BANP: variants seen among roughly 807,000 people sequenced by gnomAD.
BANP encodes protein BANP.
In BANP, 11 loss-of-function variants were observed where a neutral mutation model predicts 68.1. That is an observed-to-expected ratio of 0.16 (90% confidence interval 0.10 to 0.27). BANP has a LOEUF of 0.27. Among genes scored for constraint, BANP ranks in the 10% least tolerant of loss-of-function variants. The pLI is 1.00. For synonymous variants in BANP, 329 were observed against 303.2 expected, an observed-to-expected ratio of 1.09 and a Z score of -0.88; for missense variants, 504 against 722.7, an observed-to-expected ratio of 0.70 and a Z score of 3.47.
rs112366369 is a variant in BANP at position 87,964,105 on chromosome 16, T to C, written c.-68-10943T>C. Among the ~76,000 whole-genome samples the C allele has an allele frequency of 4.4e-3, 664 of 152,386 alleles. 5 individuals carry two copies. The highest frequency in any genetic ancestry group is 0.014 in the African/African-American group (600 of 41,596). On this transcript the variant is annotated intron_variant, in intron 1 of 13. Transcript: ENST00000682872. The stretch of plus-strand genomic sequence containing the variant: ...AGTAGTTAGATTAGTAACTTAATTA[T>C]AGCACAGTCCTTATTGAAATCAGGA...
Position 88,018,318 on chromosome 16 carries a change from G to T in BANP, c.656-110G>T. Reference sequence around the variant, plus strand: ...TCACAAGTTACGAGGGATTTGCCCAGCCCTGCGTGGAGCATCTTTCCCGAC... The same window carrying T: ...TCACAAGTTACGAGGGATTTGCCCATCCCTGCGTGGAGCATCTTTCCCGAC... On this transcript the variant is annotated intron_variant, in intron 6 of 13. Transcript: ENST00000682872. This position sits in a 1 kb window ranked among gnomAD's most constrained non-coding sequence, Gnocchi z 7.7. The T allele has an allele frequency of 1.4e-6, 2 of 1,383,526 alleles. No individual in the cohort carries two copies. The highest frequency in any genetic ancestry group is 2.0e-6 in the Non-Finnish European group (2 of 1,012,400). 85.7% of individuals were successfully genotyped at this position (1,383,526 alleles called of 1,614,324 possible).
chr16:87,992,945 G>A (rs1386425671), intron 4 of BANP, among the ~76,000 whole-genome samples: 1 of 152,174 alleles, frequency 6.6e-6, no homozygotes, highest in Non-Finnish European at 1.5e-5. Context: ...GGGTCCACAG[G>A]ATGCTCTGCT....
intron 11 of BANP, among the ~76,000 whole-genome samples, chr16:88,040,103 TC>T (rs2080378587): frequency 6.6e-6 from 1 of 152,180 alleles, no homozygotes; most frequent in Non-Finnish European, 1.5e-5. Context: ...GTGCTGCCAC[TC>T]AGGGTAGCGG....
chr16:87,991,576 G>A (rs1466963380), intron 4 of BANP, among the ~76,000 whole-genome samples: 1 of 152,160 alleles, frequency 6.6e-6, no homozygotes, highest in African/African-American at 2.4e-5. Flanking sequence ...TCTTAGCAAT[G>A]TTATACAGTT....
At position 88,006,107 on chromosome 16, in the gene BANP, G is replaced by A. The variant is rs766622078; in HGVS notation, c.497G>A (p.Arg166Gln). ...CCGTTTAGCGCTGTGCCTGGGCGTC[G>A]GCAGAACACCATTGTGGTGAAGGTG... ...NVISNAVPGR[R>Q]QNTIVVKVPG... Residue 166 changes from arginine to glutamine, a missense_variant, in exon 6 of 14, where the codon CGG becomes CAG. This residue lies in a region of BANP where 238 missense variants were observed against 278.9 expected (regional missense o/e 0.85). Coordinates refer to ENST00000682872, the MANE Select transcript of BANP (RefSeq NM_001386991.1). 12 of 1,613,666 alleles carry A rather than the reference G, an allele frequency of 7.4e-6. No individual in the cohort carries two copies. Among genetic ancestry groups the A allele is most frequent in the South Asian group, 2.2e-5 (2 of 91,060 alleles).
In BANP at chr16:88,076,540, T is replaced by C. The variant is rs780519143; in HGVS notation, c.1522-50T>C. 49 of 1,535,778 alleles carry C rather than the reference T, an allele frequency of 3.2e-5. 1 individual carries two copies. The Admixed American group carries it at 8.1e-4, about 25-fold the overall frequency. On this transcript the variant is annotated intron_variant, in intron 13 of 13. Coordinates refer to ENST00000682872, the MANE Select transcript of BANP (RefSeq NM_001386991.1). ...GGCTGTTCATGACACCCCCTGGCCA[T>C]GCAGTGCTGGGTATTTTTCTAGAAA...
intron 11 of BANP, among the ~76,000 whole-genome samples, chr16:88,058,889 G>C (rs1174523682): frequency 6.6e-6 from 1 of 152,124 alleles, no homozygotes; most frequent in East Asian, 1.9e-4. Flanking sequence ...CTCCCAAAGT[G>C]AGATCAACGA....
chr16:87,978,207 A>G (rs1283109110), intron 2 of BANP, among the ~76,000 whole-genome samples: 1 of 152,270 alleles, frequency 6.6e-6, no homozygotes, highest in Non-Finnish European at 1.5e-5. Flanking sequence ...ACAGAATTAT[A>G]GAAAGGAACA....
intron 1 of BANP, among the ~76,000 whole-genome samples, chr16:87,956,125 TGCA>T (rs2058009502): frequency 6.6e-6 from 1 of 152,206 alleles, no homozygotes; most frequent in South Asian, 2.1e-4. Context: ...GTTCCTCGTC[TGCA>T]GTGATACTGT....
chr16:88,002,714 T>G lies in BANP; in HGVS notation c.363-1581T>G, dbSNP rs919483575. ...ATTTCCTTCACCTTAATAAGGATCT[T>G]CAAGGAAAAAAAAGGTATATTTGGT... On this transcript the variant is annotated intron_variant, in intron 4 of 13. Transcript: ENST00000682872. The surrounding 1 kb of genome is among the most constrained non-coding windows in gnomAD (Gnocchi z 4.6). Among the ~76,000 whole-genome samples the G allele has an allele frequency of 6.6e-6, 1 of 152,064 alleles. No homozygotes were observed. Among genetic ancestry groups the G allele is most frequent in the Non-Finnish European group, 1.5e-5 (1 of 68,008 alleles).
At position 88,076,690 on chromosome 16, in the gene BANP, G is replaced by T. The variant is rs771515196; in HGVS notation, c.*29G>T. On this transcript the variant is annotated 3_prime_UTR_variant, in exon 14 of 14. Transcript: ENST00000682872. ...GTGCCCATGGCACCAGGAGCCCCTC[G>T]CCGGCTCCGCCTACGGCCCGGCCCC... is the stretch of plus-strand genomic sequence containing the variant. 9.5e-6 allele frequency: 15 copies of T among 1,586,534 alleles called. No homozygotes were observed. Among genetic ancestry groups the T allele is most frequent in the Non-Finnish European group, 1.2e-5 (14 of 1,168,238 alleles).
chr16:87,982,782 T>C (rs2063527620), intron 3 of BANP: 2 of 152,226 alleles, frequency 1.3e-5, no homozygotes, highest in South Asian at 2.1e-4. Flanking sequence ...TTTTCCCTCC[T>C]GCAGGGCTGT....
chr16:88,055,975 A>G (rs138314881), intron 11 of BANP, among the ~76,000 whole-genome samples: 33 of 152,296 alleles, frequency 2.2e-4, no homozygotes, highest in Non-Finnish European at 4.0e-4. Flanking sequence ...ACTAGTCCCA[A>G]GAAACCCCCT....
At chr16:87,961,076 T>C (rs910064017) in intron 1 of BANP, among the ~76,000 whole-genome samples, 28 of 152,240 alleles carry the variant, frequency 1.8e-4, no homozygotes, top group African/African-American at 6.5e-4. Flanking sequence ...AGATGGTCGA[T>C]GCGGGATCAC....
intron 4 of BANP, among the ~76,000 whole-genome samples, chr16:87,986,192 T>G (rs1241325918): frequency 6.6e-6 from 1 of 152,168 alleles, no homozygotes; most frequent in Non-Finnish European, 1.5e-5. Context: ...TTTAAGGAAT[T>G]AAACACAAGG....
chr16:87,978,785 A>C (rs141650315), intron 2 of BANP: 84 of 388,304 alleles, frequency 2.2e-4, no homozygotes, highest in African/African-American at 1.6e-3. Flanking sequence ...TTAACACGCT[A>C]AGTGATAGAA....
chr16:88,024,769 A>G (rs2076663580), intron 7 of BANP, among the ~76,000 whole-genome samples: 1 of 152,246 alleles, frequency 6.6e-6, no homozygotes, highest in Admixed American at 6.5e-5. Context: ...GACGGAAGGA[A>G]TTAGATAATT....
chr16:87,957,896 C>G lies in BANP; in HGVS notation c.-69+6381C>G, dbSNP rs1192005190. 6.6e-6 allele frequency among the ~76,000 whole-genome samples: 1 copy of G among 152,104 alleles called. No individual in the cohort carries two copies. The highest frequency in any genetic ancestry group is 6.5e-5 in the Admixed American group (1 of 15,280). ...CGGACAACCCCTGCCGCTACGTGTCCTCAAGTGAGCTCAGCTCTTGTGTCG... is the reference window on the plus strand; with the variant it reads ...CGGACAACCCCTGCCGCTACGTGTCGTCAAGTGAGCTCAGCTCTTGTGTCG... On this transcript the variant is annotated intron_variant, in intron 1 of 13. Coordinates refer to ENST00000682872, the MANE Select transcript of BANP (RefSeq NM_001386991.1). The surrounding 1 kb of genome is among the most constrained non-coding windows in gnomAD (Gnocchi z 4.3).
chr16:88,030,098 C>G (rs1184667736), intron 8 of BANP, among the ~76,000 whole-genome samples: 2 of 152,218 alleles, frequency 1.3e-5, no homozygotes, highest in African/African-American at 2.4e-5. Context: ...GAGCTTAAGA[C>G]AGCCTGAGAA....
Sources: allele counts gnomAD v4.1 joint callset (sites outside exome capture counted in the v4.1 genomes callset), GRCh38; gene constraint gnomAD v4.1.1; regional missense constraint gnomAD v4.1.1; non-coding constraint Gnocchi (gnomAD v3.1); transcripts MANE v1.5; gene names NCBI Gene and HGNC (gene_info 2026-07-23, HGNC 2026-07-21).